Variants in DLGAP1 observed in about 807,000 individuals in gnomAD.
The protein encoded by DLGAP1 is DLG associated protein 1.
In DLGAP1, 11 loss-of-function variants were observed where a neutral mutation model predicts 90.8. The observed-to-expected ratio is 0.12, with a 90% CI of 0.08 to 0.20. DLGAP1 has a LOEUF of 0.20. Ranked by LOEUF, DLGAP1 falls within the 10% of genes least tolerant of loss-of-function variation. DLGAP1 has a pLI of 1.00. For missense variants in DLGAP1, 1,050 were observed against 1,333.8 expected (o/e 0.79, Z 3.31); for synonymous variants, 558 against 540.7 (o/e 1.03, Z -0.44).
chr18:3,591,000 T>C (rs1025532526), intron 7 of DLGAP1, among the ~76,000 whole-genome samples: 1 of 152,236 alleles, frequency 6.6e-6, no homozygotes, highest in African/African-American at 2.4e-5. Context: ...TTGTTTTTTG[T>C]ATGTCTTAAA....
At chr18:3,856,643 C>T (rs576125352) in intron 4 of DLGAP1, among the ~76,000 whole-genome samples, 108 of 152,206 alleles carry the variant, frequency 7.1e-4, no homozygotes, top group South Asian at 1.0e-3. Flanking sequence ...GGGCAGATCA[C>T]GAGGTCAGGA....
chr18:3,709,452 C>A (rs2061535280), intron 7 of DLGAP1, among the ~76,000 whole-genome samples: 1 of 152,156 alleles, frequency 6.6e-6, no homozygotes, highest in African/African-American at 2.4e-5. Context: ...GCATGTTTGA[C>A]CTGAAGTTGA....
intron 1 of DLGAP1, among the ~76,000 whole-genome samples, chr18:4,322,940 A>G (rs1490571637): frequency 1.7e-5 from 1 of 59,116 alleles, no homozygotes; most frequent in Non-Finnish European, 3.1e-5. Context: ...CAGCCTGGGC[A>G]CAGAAAAAAA....
At chr18:3,571,228 G>A (rs911052149) in intron 8 of DLGAP1, 2 of 151,788 alleles carry the variant, frequency 1.3e-5, no homozygotes, top group Non-Finnish European at 2.9e-5. Context: ...ATGAGATCTT[G>A]CTATGTTGCC....
In DLGAP1 at chr18:3,879,094, C is replaced by T. The variant is rs367711340; in HGVS notation, c.957+18G>A. 8.8e-6 allele frequency: 13 copies of T among 1,485,686 alleles called. No individual in the cohort carries two copies. The highest frequency in any genetic ancestry group is 1.8e-6 in the Non-Finnish European group (2 of 1,117,766). 92.0% of individuals were successfully genotyped at this position (1,485,686 alleles called of 1,614,324 possible). On this transcript the variant is annotated intron_variant, in intron 4 of 12. Transcript: ENST00000315677. The surrounding 1 kb of genome is among the most constrained non-coding windows in gnomAD (Gnocchi z 6.6). ...CCAGGTACTACTTCTAAGCCTCCAT[C>T]ATTGACAGAAATGGTACCTGCAGGT...
At position 4,063,241 on chromosome 18, in the gene DLGAP1, C is replaced by T. The variant is rs375007742; in HGVS notation, c.-158-58040G>A. Among the ~76,000 whole-genome samples, 32 of 152,154 alleles carry T rather than the reference C, an allele frequency of 2.1e-4. 1 individual carries two copies. Among genetic ancestry groups the T allele is most frequent in the African/African-American group, 7.7e-4 (32 of 41,538 alleles). On this transcript the variant is annotated intron_variant, in intron 2 of 12. Coordinates refer to ENST00000315677, the MANE Select transcript of DLGAP1 (RefSeq NM_004746.4). ...TCACTGAAGCAATGTTACACATATT[C>T]TCCTATCAATATATTCAATATTGGA... is the stretch of plus-strand genomic sequence containing the variant.
chr18:3,963,180 G>A (rs1331829530), intron 3 of DLGAP1, among the ~76,000 whole-genome samples: 1 of 152,092 alleles, frequency 6.6e-6, no homozygotes, highest in Non-Finnish European at 1.5e-5. Context: ...AGCCTTCTTG[G>A]CCTCTCTTGT....
chr18:3,535,632 C>T (rs558977759), intron 9 of DLGAP1, among the ~76,000 whole-genome samples: 66 of 151,232 alleles, frequency 4.4e-4, no homozygotes, highest in African/African-American at 1.4e-3. Flanking sequence ...GGCATGAACC[C>T]GGGAGGCGGA....
At chr18:4,239,862 T>C (rs2078495080) in intron 1 of DLGAP1, among the ~76,000 whole-genome samples, 1 of 152,190 alleles carries the variant, frequency 6.6e-6, no homozygotes, top group African/African-American at 2.4e-5. Context: ...ACTTCAAGAG[T>C]ATTTTTCAAT....
intron 7 of DLGAP1, among the ~76,000 whole-genome samples, chr18:3,700,310 G>A (rs191636126): frequency 7.2e-4 from 110 of 152,306 alleles, no homozygotes; most frequent in African/African-American, 2.6e-3. Context: ...GAAAAGCATA[G>A]TATCTGAGCC....
At chr18:4,050,056 T>A (rs930917093) in intron 2 of DLGAP1, among the ~76,000 whole-genome samples, 3 of 152,206 alleles carry the variant, frequency 2.0e-5, no homozygotes, top group African/African-American at 7.2e-5. Flanking sequence ...AAGACAGATA[T>A]CATTCCTCCT....
intron 1 of DLGAP1, among the ~76,000 whole-genome samples, chr18:4,440,011 T>TCGGGAGGCTGAGG (rs1405653365): frequency 2.0e-5 from 3 of 149,834 alleles, no homozygotes; most frequent in Non-Finnish European, 4.4e-5. Flanking sequence ...TCTCAGCTAC[T>TCGGGAGGCTGAGG]CGGGAGGCTG....
chr18:3,928,952 G>C (rs548754578), intron 3 of DLGAP1, among the ~76,000 whole-genome samples: 1 of 152,212 alleles, frequency 6.6e-6, no homozygotes, highest in South Asian at 2.1e-4. Context: ...CACCAGTGCT[G>C]TCTCGTGATT....
chr18:3,847,329 C>A (rs2148666123), intron 4 of DLGAP1, among the ~76,000 whole-genome samples: 1 of 152,130 alleles, frequency 6.6e-6, no homozygotes. Context: ...AAAGGATGAC[C>A]CCAAATGTGG....
Position 4,273,068 on chromosome 18 carries a change from G to A in DLGAP1, c.-266-121781C>T, listed in dbSNP as rs2079321557. On this transcript the variant is annotated intron_variant, in intron 1 of 12. Transcript: ENST00000315677. ...CCAGCACCTTGACTTTGAACTTCTA[G>A]CCTCTAGAACTGTAAGAGGATAAAT... 2.0e-5 allele frequency among the ~76,000 whole-genome samples: 3 copies of A among 152,050 alleles called. No homozygotes were observed. The South Asian group carries it at 6.2e-4, about 32-fold the overall frequency.
intron 1 of DLGAP1, among the ~76,000 whole-genome samples, chr18:4,309,083 C>T (rs897175127): frequency 9.9e-5 from 15 of 152,124 alleles, no homozygotes; most frequent in African/African-American, 3.1e-4. Context: ...CTACAGTTAT[C>T]GGGTAAGATG....
chr18:4,323,537 T>C (rs1456369172), intron 1 of DLGAP1, among the ~76,000 whole-genome samples: 1 of 152,210 alleles, frequency 6.6e-6, no homozygotes, highest in East Asian at 1.9e-4. Flanking sequence ...AGGAATCAAC[T>C]TTATTGTCCA....
intron 3 of DLGAP1, among the ~76,000 whole-genome samples, chr18:3,897,778 A>ATTTTTTTT (rs869170460): frequency 2.1e-5 from 2 of 94,502 alleles, no homozygotes; most frequent in African/African-American, 8.3e-5. Context: ...CGAATTTCTG[A>ATTTTTTTT]TTTTTTTTTT....
chr18:3,845,182 A>G (rs2068938904), intron 4 of DLGAP1: 1 of 1,603,396 alleles, frequency 6.2e-7, no homozygotes, highest in South Asian at 1.1e-5. Flanking sequence ...ATCAAGCACA[A>G]AGAAACGATT....
Sources: allele counts gnomAD v4.1 joint callset (sites outside exome capture counted in the v4.1 genomes callset), GRCh38; gene constraint gnomAD v4.1.1; non-coding constraint Gnocchi (gnomAD v3.1); transcripts MANE v1.5; gene names NCBI Gene and HGNC (gene_info 2026-07-23, HGNC 2026-07-21).